SEC14L6: variants seen among roughly 807,000 people sequenced by gnomAD.
SEC14L6 encodes the protein SEC14-like protein 6.
In SEC14L6, 40 loss-of-function variants were observed where a neutral mutation model predicts 54.1. The ratio of observed to expected loss-of-function variants is 0.74; its 90% CI spans 0.57 to 0.96. The LOEUF is 0.96. SEC14L6 is among the 40% of genes least tolerant of loss of function. The probability of loss-of-function intolerance (pLI) is 0.00; values close to 1 mark genes in which losing one functional copy is unlikely to be tolerated. For synonymous variants in SEC14L6, 171 were observed against 198.4 expected (o/e 0.86, Z 1.16); for missense variants, 471 against 498.3 (o/e 0.95, Z 0.52).
At position 30,543,030 on chromosome 22, in the gene SEC14L6, G is replaced by A. The variant is rs569430680; in HGVS notation, c.54+3599C>T. ...CCAAACCCTCTGCCCCCGTGGTATC[G>A]GGCCCCGCAGCGAGGGCCACACCTG... On this transcript the variant is annotated intron_variant, in intron 1 of 11. Coordinates refer to ENST00000402034, the MANE Select transcript of SEC14L6 (RefSeq NM_001193336.4). 1.4e-4 allele frequency: 221 copies of A among 1,600,600 alleles called. No individual in the cohort carries two copies. The African/African-American group carries it at 2.8e-3, about 20-fold the overall frequency.
chr22:30,528,422 C>CCTTTTTTTTTTTTTTTT (rs773969166), intron 8 of SEC14L6, among the ~76,000 whole-genome samples: 1 of 105,520 alleles, frequency 9.5e-6, no homozygotes, highest in African/African-American at 4.0e-5. Flanking sequence ...CGCTCGGCCT[C>CCTTTTTTTTTTTTTTTT]TTTTTTTTTT....
chr22:30,525,343 C>T lies in SEC14L6; in HGVS notation c.1081+7G>A. ...CTCCAGGTAGAGCCATCCCTGCCAA[C>T]TCTTACAGCTGCCGGCCTGGAGGCA... On this transcript the variant is annotated splice_region_variant and intron_variant, in intron 11 of 11. Transcript: ENST00000402034. 2 of 1,613,752 alleles carry T rather than the reference C, an allele frequency of 1.2e-6. No homozygotes were observed. The highest frequency in any genetic ancestry group is 2.2e-5 in the East Asian group (1 of 44,868).
intron 5 of SEC14L6, 43 bp from the exon 6 acceptor site, chr22:30,532,041 GC>G: frequency 1.3e-6 from 2 of 1,538,902 alleles, no homozygotes; most frequent in Non-Finnish European, 1.8e-6. Context: ...GAGGGCCACT[GC>G]CCCCACCCAT....
chr22:30,526,834 G>A (rs188101391), intron 8 of SEC14L6, among the ~76,000 whole-genome samples: 11 of 152,286 alleles, frequency 7.2e-5, no homozygotes, highest in Admixed American at 3.3e-4. Flanking sequence ...GGTGGCTCAC[G>A]CCTGTAATTC....
rs1936888235 is a variant in SEC14L6 at position 30,529,262 on chromosome 22, ATGCATATCCTGGGC to A, written c.580+13_580+26del. 6.5e-7 allele frequency: 1 copy of A among 1,548,862 alleles called. No individual in the cohort carries two copies. Among genetic ancestry groups the A allele is most frequent in the Admixed American group, 2.0e-5 (1 of 50,964 alleles). ...CGCACATCCCCTGTCCCCCCAACTCATGCATATCCTGGGCTGCTTTACTCACCTCTCACAACAAT... is the reference window on the plus strand; with the variant it reads ...CGCACATCCCCTGTCCCCCCAACTCATGCTTTACTCACCTCTCACAACAAT... On this transcript the variant is annotated intron_variant, in intron 7 of 11. Coordinates refer to ENST00000402034, the MANE Select transcript of SEC14L6 (RefSeq NM_001193336.4).
chr22:30,543,922 G>C, intron 1 of SEC14L6: 1 of 1,605,732 alleles, frequency 6.2e-7, no homozygotes, highest in Non-Finnish European at 8.5e-7. Context: ...CAACCACACA[G>C]AGTATGCCAG....
At chr22:30,537,566 C>T (rs2085620885) in intron 2 of SEC14L6, among the ~76,000 whole-genome samples, 1 of 152,198 alleles carries the variant, frequency 6.6e-6, no homozygotes, top group Non-Finnish European at 1.5e-5. Context: ...CTACAGTGAG[C>T]TGATGTCAGC....
rs761508538 is a variant in SEC14L6 at position 30,532,675 on chromosome 22, G to T, written c.273C>A (p.His91Gln). 15 of 1,552,702 alleles carry T rather than the reference G, an allele frequency of 9.7e-6. No homozygotes were observed. In the Admixed American group the frequency reaches 2.9e-4, roughly 30 times the overall value. Residue 91 changes from histidine (H) to glutamine (Q), a missense_variant, in exon 5 of 12, where the codon CAC becomes CAA. Coordinates refer to ENST00000402034, the MANE Select transcript of SEC14L6 (RefSeq NM_001193336.4). Reference sequence around the variant, plus strand: ...ACCAGACAGGGCTGCCCTCACCGTCGTGGCCGCATATGCCGTTAGCGTTGT... The same window carrying T: ...ACCAGACAGGGCTGCCCTCACCGTCTTGGCCGCATATGCCGTTAGCGTTGT... Reference protein sequence around the residue: ...RLYNANGICGHDGEGSPVWYH... With the variant: ...RLYNANGICGQDGEGSPVWYH...
chr22:30,537,755 C>A (rs2085625307), intron 2 of SEC14L6, among the ~76,000 whole-genome samples: 1 of 152,196 alleles, frequency 6.6e-6, no homozygotes, highest in Admixed American at 6.5e-5. Flanking sequence ...TTCTATTGTT[C>A]TGTATCCCTG....
chr22:30,543,761 A>G, intron 1 of SEC14L6: 1 of 1,564,068 alleles, frequency 6.4e-7, no homozygotes, highest in South Asian at 1.1e-5. Context: ...CGAATCAGAC[A>G]GAAGAAAGCC....
At chr22:30,532,484 G>A (rs556339011) in intron 5 of SEC14L6, 41 bp downstream of exon 5, 143 of 1,508,088 alleles carry the variant, frequency 9.5e-5, no homozygotes, top group East Asian at 1.7e-4. Context: ...GGGTGAGGGT[G>A]CTGTGTCCGG....
intron 3 of SEC14L6, 77 bp from the exon 4 acceptor site, chr22:30,532,933 C>A: frequency 6.4e-7 from 1 of 1,568,618 alleles, no homozygotes; most frequent in Non-Finnish European, 8.6e-7. Context: ...GACACCAGGC[C>A]AGGTCCCTCT....
At position 30,543,048 on chromosome 22, in the gene SEC14L6, C is replaced by A. The variant is rs558011343; in HGVS notation, c.54+3581G>T. 2,193 of 1,597,834 alleles carry A rather than the reference C, an allele frequency of 1.4e-3. 4 individuals are homozygous for A. The highest frequency in any genetic ancestry group is 1.8e-3 in the Non-Finnish European group (2,093 of 1,166,668). ...TGGTATCGGGCCCCGCAGCGAGGGCCACACCTGACCACACAGTGAGCTTCA... is the reference window on the plus strand; with the variant it reads ...TGGTATCGGGCCCCGCAGCGAGGGCAACACCTGACCACACAGTGAGCTTCA... On this transcript the variant is annotated intron_variant, in intron 1 of 11. Coordinates refer to ENST00000402034, the MANE Select transcript of SEC14L6 (RefSeq NM_001193336.4).
At chr22:30,529,249 G>A (rs1327067820) in intron 7 of SEC14L6, 40 bp downstream of exon 7, 1 of 1,545,836 alleles carries the variant, frequency 6.5e-7, no homozygotes, top group Admixed American at 2.0e-5. Flanking sequence ...CACATCCCCT[G>A]TCCCCCCAAC....
At chr22:30,538,207 A>G (rs1216793509) in intron 2 of SEC14L6, among the ~76,000 whole-genome samples, 2 of 152,040 alleles carry the variant, frequency 1.3e-5, no homozygotes, top group African/African-American at 4.8e-5. Flanking sequence ...GCATGGTGGC[A>G]CATGAATCCT....
intron 1 of SEC14L6, among the ~76,000 whole-genome samples, chr22:30,545,201 C>A (rs750216243): frequency 1.3e-5 from 2 of 152,158 alleles, no homozygotes; most frequent in Non-Finnish European, 2.9e-5. Flanking sequence ...CGAAAATGCA[C>A]CCTGTTCCTG....
intron 1 of SEC14L6, among the ~76,000 whole-genome samples, chr22:30,540,579 G>A (rs1284902623): frequency 6.6e-6 from 1 of 151,920 alleles, no homozygotes; most frequent in African/African-American, 2.4e-5. Context: ...AGCCAGGTGT[G>A]GTGGCGCACG....
At chr22:30,539,984 C>T (rs796799511) in intron 1 of SEC14L6, among the ~76,000 whole-genome samples, 5 of 152,290 alleles carry the variant, frequency 3.3e-5, no homozygotes, top group African/African-American at 9.6e-5. Context: ...AAAAGAGCAC[C>T]GGACAAAGAG....
intron 1 of SEC14L6, chr22:30,542,623 C>T (rs1009029484): frequency 1.1e-5 from 17 of 1,536,898 alleles, no homozygotes; most frequent in Non-Finnish European, 1.5e-5. Flanking sequence ...GCTCTGCCTG[C>T]TGCTCCCCGC....
Sources: allele counts gnomAD v4.1 joint callset (sites outside exome capture counted in the v4.1 genomes callset), GRCh38; gene constraint gnomAD v4.1.1; transcripts MANE v1.5; gene names NCBI Gene and HGNC (gene_info 2026-07-23, HGNC 2026-07-21).